Variants in GABRB1 observed in about 807,000 individuals in gnomAD.
The protein encoded by GABRB1 is gamma-aminobutyric acid receptor subunit beta-1.
In GABRB1, 17 loss-of-function variants were observed where a neutral mutation model predicts 51.6. That is an observed-to-expected ratio of 0.33 (90% CI 0.23 to 0.49). The LOEUF (loss-of-function observed/expected upper bound fraction) is 0.49. Ranked by LOEUF, GABRB1 falls within the 20% of genes least tolerant of loss-of-function variation. GABRB1 has a pLI of 0.99. For missense variants in GABRB1, 410 were observed against 600.6 expected, an observed-to-expected ratio of 0.68 and a Z score of 3.32; for synonymous variants, 247 against 218.9, an observed-to-expected ratio of 1.13 and a Z score of -1.14.
intron 4 of GABRB1, among the ~76,000 whole-genome samples, chr4:47,209,544 C>T (rs1720268035): frequency 6.6e-6 from 1 of 152,262 alleles, no homozygotes; most frequent in African/African-American, 2.4e-5. Context: ...CAATAACACT[C>T]TCTTGGTGTT....
intron 1 of GABRB1, among the ~76,000 whole-genome samples, chr4:46,994,824 A>G (rs2109420180): frequency 6.6e-6 from 1 of 152,268 alleles, no homozygotes; most frequent in African/African-American, 2.4e-5. Flanking sequence ...TCTAGTCGGA[A>G]CTCTGATGAT....
upstream of GABRB1, among the ~76,000 whole-genome samples, chr4:47,029,190 C>A (rs1725202239): frequency 6.6e-6 from 1 of 151,850 alleles, no homozygotes. Context: ...AGGGTATATT[C>A]TGAGTGGTAG....
intron 3 of GABRB1, among the ~76,000 whole-genome samples, chr4:47,090,753 A>G (rs1728258265): frequency 6.6e-6 from 1 of 152,192 alleles, no homozygotes; most frequent in South Asian, 2.1e-4. Context: ...TGGACTAGAG[A>G]GTATGGACCA....
chr4:47,350,218 T>TATATATAGAGAG (rs750199965), intron 5 of GABRB1, among the ~76,000 whole-genome samples: 101 of 56,632 alleles, frequency 1.8e-3, no homozygotes, highest in South Asian at 2.6e-3. Flanking sequence ...TATATATATA[T>TATATATAGAGAG]AGAGAGAGAG....
At chr4:47,046,695 G>A (rs1726105040) in intron 3 of GABRB1, among the ~76,000 whole-genome samples, 2 of 110,644 alleles carry the variant, frequency 1.8e-5, no homozygotes, top group Non-Finnish European at 4.1e-5. Flanking sequence ...AGGGAAAATA[G>A]TATTAGGAAA....
chr4:47,398,852 G>C (rs1287865608), intron 5 of GABRB1, among the ~76,000 whole-genome samples: 1 of 152,060 alleles, frequency 6.6e-6, no homozygotes, highest in South Asian at 2.1e-4. Flanking sequence ...GTGCAGTGGC[G>C]CTATCTCGGC....
intron 1 of GABRB1, among the ~76,000 whole-genome samples, chr4:47,006,992 T>C (rs1203518444): frequency 6.6e-6 from 1 of 152,028 alleles, no homozygotes; most frequent in African/African-American, 2.4e-5. Flanking sequence ...TACAAAAAAT[T>C]AGCCAGGCAT....
chr4:47,067,417 T>G (rs116131745), intron 3 of GABRB1, among the ~76,000 whole-genome samples: 2 of 152,212 alleles, frequency 1.3e-5, no homozygotes, highest in African/African-American at 4.8e-5. Context: ...ATGAGAGTTC[T>G]AGATGTCATC....
intron 3 of GABRB1, among the ~76,000 whole-genome samples, chr4:47,148,430 A>G (rs925631282): frequency 6.6e-6 from 1 of 152,072 alleles, no homozygotes; most frequent in Non-Finnish European, 1.5e-5. Context: ...TGGACTCACA[A>G]TGTAAATTAA....
rs200444499 is a variant in GABRB1, at chr4:47,334,607, G to T, written c.544+14398G>T. Among the ~76,000 whole-genome samples, 19 of 152,166 alleles carry T rather than the reference G, an allele frequency of 1.2e-4. No individual in the cohort carries two copies. The East Asian group carries it at 3.1e-3, about 25-fold the overall frequency. ...TGTAGAAAGGACTTATTTTAACAAA[G>T]AAAAAATTTTAAACACTCTATTTGA... On this transcript the variant is annotated intron_variant, in intron 5 of 8. Transcript: ENST00000295454.
At chr4:47,014,187 T>C (rs1399755390) in intron 1 of GABRB1, among the ~76,000 whole-genome samples, 1 of 152,194 alleles carries the variant, frequency 6.6e-6, no homozygotes, top group Non-Finnish European at 1.5e-5. Context: ...CATGTATCCA[T>C]ATATTATTGG....
intron 5 of GABRB1, among the ~76,000 whole-genome samples, chr4:47,398,934 G>A (rs1728284855): frequency 6.6e-6 from 1 of 152,184 alleles, no homozygotes; most frequent in Non-Finnish European, 1.5e-5. Flanking sequence ...GGGACTATAG[G>A]GGCCCGCCAC....
At chr4:47,364,805 A>C (rs1305923903) in intron 5 of GABRB1, among the ~76,000 whole-genome samples, 1 of 151,926 alleles carries the variant, frequency 6.6e-6, no homozygotes, top group Non-Finnish European at 1.5e-5. Context: ...TGCGCATAAA[A>C]TTCTTTTAAA....
Position 47,032,156 on chromosome 4 carries a change from ACACACC to A in GABRB1, c.172+153_172+158del, listed in dbSNP as rs1361476530. On this transcript the variant is annotated intron_variant, in intron 2 of 8. Coordinates refer to ENST00000295454, the MANE Select transcript of GABRB1 (RefSeq NM_000812.4). The stretch of plus-strand genomic sequence containing the variant: ...CACACACACACACACACACACACAC[ACACACC>A]CCGGGTCCCCAGTCTCAGGTGGATG... 2,874 of 690,208 alleles carry A rather than the reference ACACACC, an allele frequency of 4.2e-3. 43 individuals carry two copies. In the African/African-American group the frequency reaches 0.047, roughly 11 times the overall value. The allele number at this position is 690,208 out of a possible 1,614,324, so 42.8% of individuals were successfully genotyped here.
intron 3 of GABRB1, among the ~76,000 whole-genome samples, chr4:47,117,213 C>T (rs184346431): frequency 8.8e-4 from 134 of 152,224 alleles, no homozygotes; most frequent in African/African-American, 3.1e-3. Flanking sequence ...GGAGCAGGTC[C>T]TCTGAATTTT....
intron 4 of GABRB1, among the ~76,000 whole-genome samples, chr4:47,284,211 T>C (rs564645902): frequency 1.1e-3 from 161 of 152,234 alleles, no homozygotes; most frequent in Non-Finnish European, 2.1e-3. Flanking sequence ...GACAGGCTTT[T>C]GGCTGAGGTC....
intron 3 of GABRB1, among the ~76,000 whole-genome samples, chr4:47,093,647 T>C (rs1410574848): frequency 2.0e-5 from 3 of 152,204 alleles, no homozygotes; most frequent in African/African-American, 4.8e-5. Flanking sequence ...CAAGGGAATC[T>C]AAGACTCAAA....
intron 1 of GABRB1, among the ~76,000 whole-genome samples, chr4:46,996,259 T>C (rs1403312861): frequency 1.3e-5 from 2 of 152,162 alleles, no homozygotes; most frequent in Non-Finnish European, 2.9e-5. Flanking sequence ...CCTATACCTC[T>C]TTTTTTCTTT....
chr4:47,229,571 T>C (rs2109833922), intron 4 of GABRB1, among the ~76,000 whole-genome samples: 1 of 152,290 alleles, frequency 6.6e-6, no homozygotes, highest in Non-Finnish European at 1.5e-5. Context: ...AATCTGTGAA[T>C]ATTAACTTAT....
Sources: allele counts gnomAD v4.1 joint callset (sites outside exome capture counted in the v4.1 genomes callset), GRCh38; gene constraint gnomAD v4.1.1; transcripts MANE v1.5; gene names NCBI Gene and HGNC (gene_info 2026-07-23, HGNC 2026-07-21).